FAH: variants seen among roughly 807,000 people sequenced by gnomAD.
The protein encoded by FAH is fumarylacetoacetate hydrolase.
In FAH, 47 loss-of-function variants were observed where a neutral mutation model predicts 55.8. That is an observed-to-expected ratio of 0.84 (90% CI 0.67 to 1.07). The LOEUF is 1.07. Among genes scored for constraint, FAH ranks in the 50% least tolerant of loss-of-function variants. The probability of loss-of-function intolerance (pLI) is 0.00; values close to 1 mark genes in which losing one functional copy is unlikely to be tolerated. For missense variants in FAH, 495 were observed against 545.9 expected, an observed-to-expected ratio of 0.91 and a Z score of 0.93; for synonymous variants, 199 against 207.7, an observed-to-expected ratio of 0.96 and a Z score of 0.36.
At chr15:80,164,892 A>C (rs956027167) in intron 5 of FAH, among the ~76,000 whole-genome samples, 1 of 152,214 alleles carries the variant, frequency 6.6e-6, no homozygotes, top group Non-Finnish European at 1.5e-5. Flanking sequence ...GCATGACCAC[A>C]CGTATGCACG....
intron 7 of FAH, among the ~76,000 whole-genome samples, chr15:80,169,145 G>A (rs1456372484): frequency 6.6e-6 from 1 of 152,186 alleles, no homozygotes; most frequent in Non-Finnish European, 1.5e-5. Context: ...CACTTTGGGA[G>A]GCTGAGGTGG....
chr15:80,186,528 G>C (rs942145708), downstream of FAH: 1 of 430,908 alleles, frequency 2.3e-6, no homozygotes, highest in East Asian at 5.0e-5. Flanking sequence ...TTTGAAAAGA[G>C]ACTGGCACCT....
chr15:80,153,341 C>A (rs1157492901), intron 1 of FAH, among the ~76,000 whole-genome samples: 1 of 152,184 alleles, frequency 6.6e-6, no homozygotes, highest in Non-Finnish European at 1.5e-5. Context: ...TTTAACTTTT[C>A]AGCCTCATTG....
rs200704926 is a variant in FAH, at chr15:80,153,012, G to T, written c.-43G>T. On this transcript the variant is annotated 5_prime_UTR_variant, in exon 1 of 14. Transcript: ENST00000561421. ...GCGGCCGAGTTCAGTCCTGCTCTCC[G>T]CACGCCACCTTAGGCCCGCAGCCGT... 1.4e-4 allele frequency: 215 copies of T among 1,577,578 alleles called. 2 individuals carry two copies. In the East Asian group the frequency reaches 3.2e-3, roughly 24 times the overall value.
At chr15:80,173,489 G>A (rs2041258550) in intron 9 of FAH, 10 of 410,422 alleles carry the variant, frequency 2.4e-5, no homozygotes, top group South Asian at 2.1e-4. Context: ...ATCAAATCTT[G>A]TTCTGTGCAA....
chr15:80,175,120 G>A (rs1167246600), intron 10 of FAH, 29 bp downstream of exon 10: 1 of 1,593,734 alleles, frequency 6.3e-7, no homozygotes, highest in Non-Finnish European at 8.6e-7. Flanking sequence ...GACATGGCCA[G>A]GAGCTCTGAG....
chr15:80,159,690 T>A, intron 2 of FAH, 66 bp from the exon 3 acceptor site: 2 of 1,598,832 alleles, frequency 1.3e-6, no homozygotes, highest in Non-Finnish European at 8.6e-7. Context: ...TGGCCTTCCA[T>A]TGGAAGGAGG....
intron 10 of FAH, among the ~76,000 whole-genome samples, chr15:80,176,031 C>T (rs1210314578): frequency 6.6e-6 from 1 of 151,594 alleles, no homozygotes. Context: ...TTTTTTTTTC[C>T]CCCGAGATGG....
rs1261217307 is a variant in FAH at position 80,181,072 on chromosome 15, C to A, written c.1093C>A (p.Leu365Met). Reference protein sequence around the residue: ...EPENFGSMLELSWKGTKPIDL... With the variant: ...EPENFGSMLEMSWKGTKPIDL... ...AGAAAACTTCGGCTCCATGTTGGAA[C>A]TGTCGTGGAAGGGAACGAAGCCCAT... Residue 365 changes from leucine to methionine, a missense_variant, in exon 13 of 14, where the codon CTG becomes ATG. Coordinates refer to ENST00000561421, the MANE Select transcript of FAH (RefSeq NM_000137.4). 6.2e-7 allele frequency: 1 copy of A among 1,613,760 alleles called. No individual in the cohort carries two copies. The highest frequency in any genetic ancestry group is 1.3e-5 in the African/African-American group (1 of 74,930).
At chr15:80,173,910 G>C (rs542409609) in intron 9 of FAH, among the ~76,000 whole-genome samples, 23 of 152,270 alleles carry the variant, frequency 1.5e-4, no homozygotes, top group African/African-American at 5.5e-4. Flanking sequence ...CCTCGCTTGA[G>C]CATCTCACCA....
chr15:80,184,739 C>G (rs1945956267), intron 13 of FAH, among the ~76,000 whole-genome samples: 3 of 152,124 alleles, frequency 2.0e-5, no homozygotes, highest in South Asian at 2.1e-4. Flanking sequence ...CTTAGGGCCC[C>G]CCAAAGGACA....
intron 2 of FAH, among the ~76,000 whole-genome samples, chr15:80,158,941 C>T (rs1468996415): frequency 6.6e-6 from 1 of 152,144 alleles, no homozygotes; most frequent in Non-Finnish European, 1.5e-5. Context: ...TATAAAACCT[C>T]TTCCTTTTTT....
chr15:80,164,283 C>T (rs2041173525), intron 5 of FAH, among the ~76,000 whole-genome samples: 1 of 152,126 alleles, frequency 6.6e-6, no homozygotes, highest in South Asian at 2.1e-4. Flanking sequence ...CTTTTGACCC[C>T]TTCCTCATAT....
chr15:80,185,912 TGTGGG>T (rs1162788926), intron 13 of FAH, among the ~76,000 whole-genome samples: 4 of 152,194 alleles, frequency 2.6e-5, no homozygotes, highest in Non-Finnish European at 5.9e-5. Context: ...GATCCCTGGC[TGTGGG>T]GTGGGCCCGG....
chr15:80,168,383 G>C (rs975740374), intron 7 of FAH, 67 bp downstream of exon 7: 10 of 1,546,096 alleles, frequency 6.5e-6, no homozygotes, highest in Non-Finnish European at 7.1e-6. Flanking sequence ...CCTTTGGGAT[G>C]GCTCCCCGCA....
At chr15:80,179,148 C>T (rs895426050) in intron 11 of FAH, among the ~76,000 whole-genome samples, 1 of 152,164 alleles carries the variant, frequency 6.6e-6, no homozygotes, top group Non-Finnish European at 1.5e-5. Context: ...AGCATGTAAG[C>T]ATTTTGCCTG....
At chr15:80,177,791 G>A (rs1316385374) in intron 11 of FAH, among the ~76,000 whole-genome samples, 1 of 152,208 alleles carries the variant, frequency 6.6e-6, no homozygotes, top group Non-Finnish European at 1.5e-5. Context: ...TGTGGCCAGT[G>A]ATTTTCTTGG....
At chr15:80,171,156 C>G (rs144418475) in intron 7 of FAH, among the ~76,000 whole-genome samples, 5,014 of 151,852 alleles carry the variant, frequency 0.033, 115 homozygotes, top group Non-Finnish European at 0.045. Flanking sequence ...AGGTTTGTTA[C>G]ATATGTATAC....
In FAH at chr15:80,186,117, TC is replaced by T; in HGVS notation, c.1181-11del. ...GCAACTTTGTGACTGATCCTTGTCC[TC>T]CTCTGTTCCAGGGTACTGCCAGGGG... On this transcript the variant is annotated splice_polypyrimidine_tract_variant and intron_variant, in intron 13 of 13. Coordinates refer to ENST00000561421, the MANE Select transcript of FAH (RefSeq NM_000137.4). 6.2e-7 allele frequency: 1 copy of T among 1,613,156 alleles called. No homozygotes were observed. Among genetic ancestry groups the T allele is most frequent in the Non-Finnish European group, 8.5e-7 (1 of 1,179,064 alleles).
Sources: gnomAD v4.1 joint callset for allele counts (sites outside exome capture counted in the v4.1 genomes callset) on GRCh38, gnomAD v4.1.1 for gene constraint, MANE v1.5 for transcripts, NCBI Gene and HGNC (gene_info 2026-07-23, HGNC 2026-07-21) for gene names.